The following SNX22 variants were observed in gnomAD, a reference collection of about 807,000 sequenced individuals.
The protein encoded by SNX22 is sorting nexin-22.
SNX22 carries 23 observed loss-of-function variants against 24.7 expected under a neutral mutation model. The observed-to-expected ratio is 0.93, with a 90% CI of 0.67 to 1.32. The LOEUF (loss-of-function observed/expected upper bound fraction) is 1.32. Ranked by LOEUF, SNX22 falls within the 40% of genes most tolerant of loss-of-function variation. The pLI, the probability that SNX22 is intolerant of heterozygous loss-of-function variation, is 0.00. For missense variants in SNX22, 261 were observed against 249.9 expected (o/e 1.04, Z -0.30); for synonymous variants, 99 against 104.0 (o/e 0.95, Z 0.29).
chr15:64,156,080 G>A lies in SNX22; in HGVS notation c.*1572G>A. The stretch of plus-strand genomic sequence containing the variant: ...CCTCGATCTTGCCGCAGTCTGCGAT[G>A]ATCACATCCTTCAGGGGTTTATCCC... On this transcript the variant is annotated 3_prime_UTR_variant, in exon 7 of 7. Coordinates refer to ENST00000325881, the MANE Select transcript of SNX22 (RefSeq NM_024798.3). This position sits in a 1 kb window ranked among gnomAD's most constrained non-coding sequence, Gnocchi z 6.4. 1 of 1,614,208 alleles carries A rather than the reference G, an allele frequency of 6.2e-7. No individual in the cohort carries two copies. Among genetic ancestry groups the A allele is most frequent in the Non-Finnish European group, 8.5e-7 (1 of 1,180,038 alleles).
chr15:64,152,475 TG>T (rs1361391445), intron 2 of SNX22, 149 bp downstream of exon 2: 3 of 1,193,258 alleles, frequency 2.5e-6, no homozygotes, highest in African/African-American at 3.0e-5. Context: ...CGGGCCTCTG[TG>T]GGTGGGTTGG....
rs1333427971 is a variant in SNX22, at chr15:64,153,292, C to T, written c.312C>T (p.Phe104=). ...AGGTGCCCAAGGAGTTACTGGAATT[C>T]CTGAGACTTCGGCACTTCCCCACAG... is the stretch of plus-strand genomic sequence containing the variant. ...NQEVPKELLE[F]LRLRHFPTDP... The change falls in exon 4 of 7, where the codon TTC becomes TTT. Residue 104 remains phenylalanine (F), a synonymous_variant. Coordinates refer to ENST00000325881, the MANE Select transcript of SNX22 (RefSeq NM_024798.3). The T allele has an allele frequency of 1.9e-6, 3 of 1,614,046 alleles. No individual in the cohort carries two copies. The highest frequency in any genetic ancestry group is 2.5e-6 in the Non-Finnish European group (3 of 1,180,016).
At position 64,156,732 on chromosome 15, in the gene SNX22, T is replaced by C; in HGVS notation, c.*2224T>C. On this transcript the variant is annotated 3_prime_UTR_variant, in exon 7 of 7. Transcript: ENST00000325881. The surrounding 1 kb of genome is among the most constrained non-coding windows in gnomAD (Gnocchi z 6.4). ...CTTGCTTCCACAACTCACCATGCCCTCTAGAACTTTGCCAAACACCACATG... is the reference window on the plus strand; with the variant it reads ...CTTGCTTCCACAACTCACCATGCCCCCTAGAACTTTGCCAAACACCACATG... The C allele has an allele frequency of 1.2e-6, 2 of 1,614,182 alleles. No individual in the cohort carries two copies. Among genetic ancestry groups the C allele is most frequent in the Non-Finnish European group, 1.7e-6 (2 of 1,180,042 alleles).
chr15:64,153,629 T>TA (rs1253734310), intron 4 of SNX22, 23 bp from the exon 5 acceptor site: 3 of 1,613,924 alleles, frequency 1.9e-6, no homozygotes, highest in Non-Finnish European at 2.5e-6. Context: ...CCAGGCAGCT[T>TA]ACAGTGTTTC....
chr15:64,153,778 G>T (rs1308489281), intron 5 of SNX22, 94 bp downstream of exon 5: 1 of 1,601,474 alleles, frequency 6.2e-7, no homozygotes, highest in African/African-American at 1.3e-5. Context: ...GTCTGGCCTG[G>T]GCCCTGAAGT....
intron 2 of SNX22, 48 bp from the exon 3 acceptor site, chr15:64,152,590 G>GA: frequency 6.4e-7 from 1 of 1,562,756 alleles, no homozygotes; most frequent in Non-Finnish European, 8.8e-7. Flanking sequence ...AAGAGGGCTT[G>GA]AGGGCTCAGT....
chr15:64,152,415 C>A, intron 2 of SNX22, 89 bp downstream of exon 2: 1 of 1,358,620 alleles, frequency 7.4e-7, no homozygotes, highest in Non-Finnish European at 9.9e-7. Context: ...CGAGCCCCAG[C>A]CTCCGCCACC....
Position 64,156,462 on chromosome 15 carries a change from G to C in SNX22, c.*1954G>C. The C allele has an allele frequency of 1.6e-6, 1 of 617,620 alleles. No individual in the cohort carries two copies. 38.3% of individuals were successfully genotyped at this position (617,620 alleles called of 1,614,324 possible). ...CTGCACTCTGTATACCTCAGGGGTG[G>C]GACCAGCACGTCACTGAGTGAAGGA... On this transcript the variant is annotated 3_prime_UTR_variant, in exon 7 of 7. Coordinates refer to ENST00000325881, the MANE Select transcript of SNX22 (RefSeq NM_024798.3). The surrounding 1 kb of genome is among the most constrained non-coding windows in gnomAD (Gnocchi z 6.4).
intron 4 of SNX22, 74 bp downstream of exon 4, chr15:64,153,413 C>T: frequency 6.3e-7 from 1 of 1,596,752 alleles, no homozygotes; most frequent in Non-Finnish European, 8.5e-7. Context: ...GAGGGCAAGC[C>T]CTTTCTTTTC....
Position 64,155,981 on chromosome 15 carries a change from G to A in SNX22, c.*1473G>A. The A allele has an allele frequency of 6.2e-7, 1 of 1,613,806 alleles. No individual in the cohort carries two copies. The highest frequency in any genetic ancestry group is 8.5e-7 in the Non-Finnish European group (1 of 1,179,928). The stretch of plus-strand genomic sequence containing the variant: ...CTCAGAGCCCTGTGGCGGACTACAG[G>A]GCCTGCACAGACGGTCACTCAAAGA... On this transcript the variant is annotated 3_prime_UTR_variant, in exon 7 of 7. Coordinates refer to ENST00000325881, the MANE Select transcript of SNX22 (RefSeq NM_024798.3).
chr15:64,153,200 A>G (rs1596023977), intron 3 of SNX22, 45 bp from the exon 4 acceptor site: 5 of 1,611,482 alleles, frequency 3.1e-6, no homozygotes, highest in Non-Finnish European at 4.2e-6. Flanking sequence ...GCGCTATGCA[A>G]ATTAGTAGCT....
chr15:64,153,784 G>GAAGT, intron 5 of SNX22, 100 bp downstream of exon 5: 2 of 1,600,772 alleles, frequency 1.2e-6, no homozygotes, highest in Non-Finnish European at 1.7e-6. Context: ...CCTGGGCCCT[G>GAAGT]AAGTCTGTTT....
chr15:64,151,911 C>T (rs1323766880), intron 1 of SNX22, 61 bp downstream of exon 1: 11 of 1,453,690 alleles, frequency 7.6e-6, no homozygotes, highest in South Asian at 1.3e-5. Flanking sequence ...CCGCGCTGCG[C>T]TCAGTGGGGA....
rs776241432 is a variant in SNX22 at position 64,152,731 on chromosome 15, G to T, written c.253G>T (p.Ala85Ser). 8.1e-6 allele frequency: 13 copies of T among 1,614,042 alleles called. No homozygotes were observed. ...GLEQRRQGLE[A>S]YIQGILYLNQ... ...GGAACAGCGCCGGCAGGGCTTGGAG[G>T]CTTACATCCAGGTATGCGAGAGCAC... is the stretch of plus-strand genomic sequence containing the variant. The change falls in exon 3 of 7, where the codon GCT (alanine) becomes TCT (serine). Residue 85 changes from alanine (A) to serine (S), a missense_variant. Physicochemically the swap from Ala to Ser is moderately conservative, Grantham distance 99 (BLOSUM62 1). Transcript: ENST00000325881.
Position 64,155,850 on chromosome 15 carries a change from T to C in SNX22, c.*1342T>C, listed in dbSNP as rs2081525685. ...AAAAAAAAACCCACATTTTTTTTTA[T>C]TGGTCAGTGTTGGTAGGAGTTTGTT... On this transcript the variant is annotated 3_prime_UTR_variant, in exon 7 of 7. Coordinates refer to ENST00000325881, the MANE Select transcript of SNX22 (RefSeq NM_024798.3). 19 of 895,686 alleles carry C rather than the reference T, an allele frequency of 2.1e-5. No individual in the cohort carries two copies. The South Asian group carries it at 2.4e-4, about 11-fold the overall frequency. 55.5% of individuals were successfully genotyped at this position (895,686 alleles called of 1,614,324 possible).
chr15:64,152,358 G>C, intron 2 of SNX22, 32 bp downstream of exon 2: 1 of 1,493,052 alleles, frequency 6.7e-7, no homozygotes, highest in Non-Finnish European at 8.9e-7. Flanking sequence ...ACCGGCCCCG[G>C]CCCAGCCTCT....
rs759140008 is a variant in SNX22 at position 64,152,538 on chromosome 15, G to C, written c.160-100G>C. 8 of 1,308,668 alleles carry C rather than the reference G, an allele frequency of 6.1e-6. No homozygotes were observed. The East Asian group carries it at 1.5e-4, about 25-fold the overall frequency. The allele number at this position is 1,308,668 out of a possible 1,614,324, so 81.1% of individuals were successfully genotyped here. A position where few individuals can be genotyped will look rare whatever the true frequency, so the allele number is the denominator to read the frequency against. On this transcript the variant is annotated intron_variant, in intron 2 of 6. Transcript: ENST00000325881. ...CCACTCACCAGGGTCTGTCCCAGTA[G>C]AGCCCGAAGGCGGGGGCGCGGGAGG...
At chr15:64,154,162 A>G (rs1188241039) in intron 6 of SNX22, 160 bp downstream of exon 6, 8 of 1,580,074 alleles carry the variant, frequency 5.1e-6, no homozygotes, top group Non-Finnish European at 6.9e-6. Context: ...ACACAAGGAA[A>G]ACAAGTTTGG....
Position 64,152,620 on chromosome 15 carries a change from G to T in SNX22, c.160-18G>T. 1 of 1,611,196 alleles carries T rather than the reference G, an allele frequency of 6.2e-7. No homozygotes were observed. Among genetic ancestry groups the T allele is most frequent in the Non-Finnish European group, 8.5e-7 (1 of 1,177,574 alleles). ...CTCAGTCGGGATGCTGTGATCGCAC[G>T]CGGTAAACCTCCAGTAGATCAAGAA... On this transcript the variant is annotated intron_variant, in intron 2 of 6. Transcript: ENST00000325881.
Sources: allele counts gnomAD v4.1 joint callset, GRCh38; gene constraint gnomAD v4.1.1; non-coding constraint Gnocchi (gnomAD v3.1); transcripts MANE v1.5; gene names NCBI Gene and HGNC (gene_info 2026-07-23, HGNC 2026-07-21).